Variants in DDHD2 observed in about 807,000 individuals in gnomAD.
DDHD2 encodes DDHD domain containing 2.
Under a neutral mutation model 91.2 loss-of-function variants are expected in DDHD2, and 62 were observed. The ratio of observed to expected loss-of-function variants is 0.68; its 90% confidence interval spans 0.55 to 0.84. DDHD2 has a LOEUF of 0.84. DDHD2 is among the 40% of genes least tolerant of loss of function. The pLI, the probability that DDHD2 is intolerant of heterozygous loss-of-function variation, is 0.00. For missense variants in DDHD2, 740 were observed against 846.9 expected, an observed-to-expected ratio of 0.87 and a Z score of 1.57; for synonymous variants, 271 against 293.9, an observed-to-expected ratio of 0.92 and a Z score of 0.80.
chr8:38,250,970 G>C (rs958127457), intron 11 of DDHD2: 3 of 152,092 alleles, frequency 2.0e-5, no homozygotes, highest in African/African-American at 7.2e-5. Flanking sequence ...ATAATATTCT[G>C]AAGGTTTACC....
chr8:38,234,132 G>T (rs1804512505), intron 2 of DDHD2, among the ~76,000 whole-genome samples: 1 of 151,788 alleles, frequency 6.6e-6, no homozygotes, highest in African/African-American at 2.4e-5. Context: ...TTTTTAAGGG[G>T]CACTGCTATC....
intron 6 of DDHD2, among the ~76,000 whole-genome samples, chr8:38,240,682 A>C (rs1338544144): frequency 1.3e-5 from 2 of 152,242 alleles, no homozygotes; most frequent in South Asian, 4.1e-4. Context: ...AGTTTAATGA[A>C]TAACAGAAGC....
chr8:38,240,240 A>G (rs1805147035), intron 5 of DDHD2, 35 bp from the exon 6 acceptor site: 2 of 1,334,302 alleles, frequency 1.5e-6, no homozygotes, highest in Non-Finnish European at 1.1e-6. Flanking sequence ...ATGACTAATT[A>G]TACAGAATAA....
At chr8:38,266,079 T>C (rs1021174663), downstream of DDHD2, 91 of 1,499,644 alleles carry the variant, frequency 6.1e-5, no homozygotes, top group East Asian at 2.0e-3. Context: ...TCCTCTGTGC[T>C]AGGTGCTAGG....
At chr8:38,257,512 G>A (rs542333444) in intron 16 of DDHD2, among the ~76,000 whole-genome samples, 1 of 151,764 alleles carries the variant, frequency 6.6e-6, no homozygotes, top group African/African-American at 2.4e-5. Context: ...GCCTCCCAAA[G>A]TGCTGGGATT....
downstream of DDHD2, chr8:38,267,228 G>A: frequency 6.2e-7 from 1 of 1,613,808 alleles, no homozygotes; most frequent in Non-Finnish European, 8.5e-7. Context: ...TCAATGATGT[G>A]AAAACAAGCA....
chr8:38,233,402 C>G (rs547029041), intron 2 of DDHD2, among the ~76,000 whole-genome samples, 188 bp downstream of exon 2: 7 of 152,162 alleles, frequency 4.6e-5, no homozygotes, highest in African/African-American at 1.7e-4. Flanking sequence ...AGAATTTGGT[C>G]TGTATTTTGA....
downstream of DDHD2, chr8:38,264,799 G>T (rs1198409423): frequency 1.3e-6 from 2 of 1,520,994 alleles, no homozygotes; most frequent in Non-Finnish European, 1.8e-6. Flanking sequence ...TCATTGTCAG[G>T]TTGCTTTCTG....
chr8:38,242,277 A>AG lies in DDHD2; in HGVS notation c.740_741insG (p.Asn247LysfsTer8). 6.3e-7 allele frequency: 1 copy of AG among 1,596,022 alleles called. No homozygotes were observed. Among genetic ancestry groups the AG allele is most frequent in the Non-Finnish European group, 8.5e-7 (1 of 1,175,714 alleles). On this transcript the variant is annotated frameshift_variant, in exon 7 of 18. Transcript: ENST00000397166. LOFTEE classifies it high-confidence loss of function. Reference sequence around the variant, plus strand: ...AATGATTTTCGCAGTGTTTCCTTGAACTTGCTACAGACACATTTTAAGAAA... The same window carrying AG: ...AATGATTTTCGCAGTGTTTCCTTGAAGCTTGCTACAGACACATTTTAAGAAA...
At chr8:38,247,540 T>A in intron 9 of DDHD2, 173 bp from the exon 10 acceptor site, 1 of 398,258 alleles carries the variant, frequency 2.5e-6, no homozygotes, top group Non-Finnish European at 4.4e-6. Context: ...AAAACATATT[T>A]TCAATTGAAG....
At chr8:38,263,469 C>T, downstream of DDHD2, 1 of 985,274 alleles carries the variant, frequency 1.0e-6, no homozygotes, top group Non-Finnish European at 1.2e-6. Flanking sequence ...GAGGTAGAAA[C>T]AGTCATCTGT....
intron 9 of DDHD2, chr8:38,246,670 C>T: frequency 1.0e-5 from 2 of 197,466 alleles, no homozygotes; most frequent in Non-Finnish European, 2.0e-5. Context: ...GGTGAAACCC[C>T]ATCTGTACTA....
At chr8:38,268,959 G>A in intron 1 of DDHD2, 2 of 1,567,864 alleles carry the variant, frequency 1.3e-6, no homozygotes, top group South Asian at 2.3e-5. Context: ...GGCTGGATGA[G>A]TCTCTGGAAC....
At chr8:38,253,534 A>C in intron 15 of DDHD2, 22 bp from the exon 16 acceptor site, 1 of 1,603,006 alleles carries the variant, frequency 6.2e-7, no homozygotes, top group South Asian at 1.1e-5. Flanking sequence ...TTAGATTCTT[A>C]TTATGGTTCT....
chr8:38,270,820 C>T (rs1245609894), intron 1 of DDHD2: 1 of 152,204 alleles, frequency 6.6e-6, no homozygotes, highest in East Asian at 1.9e-4. Flanking sequence ...ACTTTTACAG[C>T]CTACTGAAGG....
downstream of DDHD2, chr8:38,264,955 GGA>G: frequency 6.3e-7 from 1 of 1,595,380 alleles, no homozygotes; most frequent in Non-Finnish European, 8.6e-7. Context: ...GGGTCCTAGA[GGA>G]AGGAATAAAG....
At chr8:38,263,874 C>T (rs1807224265), downstream of DDHD2, 1 of 985,032 alleles carries the variant, frequency 1.0e-6, no homozygotes, top group African/African-American at 1.7e-5. Context: ...CACTGTAGAT[C>T]TTCAGATATT....
At position 38,245,839 on chromosome 8, in the gene DDHD2, T is replaced by C. The variant is rs754356348; in HGVS notation, c.946T>C (p.Cys316Arg). Reference sequence around the variant, plus strand: ...CTTCTTCTACAATAGTCCCACCTACTGTCAGACTATTGTGGACACAGTTGC... The same window carrying C: ...CTTCTTCTACAATAGTCCCACCTACCGTCAGACTATTGTGGACACAGTTGC... Reference protein sequence around the residue: ...DVFFYNSPTYCQTIVDTVASE... With the variant: ...DVFFYNSPTYRQTIVDTVASE... The change falls in exon 8 of 18, where the codon TGT becomes CGT. Residue 316 changes from cysteine (C) to arginine (R), a missense_variant. By Grantham distance (180) the Cys-to-Arg change is radical. This residue lies in a region of DDHD2 where 693 missense variants were observed against 764.2 expected (regional missense o/e 0.91). Transcript: ENST00000397166. 6.2e-7 allele frequency: 1 copy of C among 1,614,112 alleles called. No individual in the cohort carries two copies. The highest frequency in any genetic ancestry group is 1.1e-5 in the South Asian group (1 of 91,088).
chr8:38,238,248 A>G (rs373556068), intron 5 of DDHD2, 39 bp downstream of exon 5: 16 of 1,610,794 alleles, frequency 9.9e-6, no homozygotes, highest in Admixed American at 3.4e-5. Flanking sequence ...CTTTGGATGT[A>G]TTTGTTTACT....
Sources: allele counts gnomAD v4.1 joint callset (sites outside exome capture counted in the v4.1 genomes callset), GRCh38; gene constraint gnomAD v4.1.1; regional missense constraint gnomAD v4.1.1; transcripts MANE v1.5; gene names NCBI Gene and HGNC (gene_info 2026-07-23, HGNC 2026-07-21).